The following POLA2 variants were observed in gnomAD, a reference collection of about 807,000 sequenced individuals.
POLA2 encodes DNA polymerase alpha subunit B.
A neutral mutation model predicts 82.8 loss-of-function variants in POLA2; 47 were observed. The ratio of observed to expected loss-of-function variants is 0.57; its 90% CI spans 0.45 to 0.72. The LOEUF (loss-of-function observed/expected upper bound fraction) is 0.72. POLA2 is among the 30% of genes least tolerant of loss of function. The pLI is 0.00. For missense variants in POLA2, 634 were observed against 728.1 expected (o/e 0.87, Z 1.49); for synonymous variants, 287 against 286.8 (o/e 1.00, Z -0.01).
chr11:65,294,608 A>G lies in POLA2; in HGVS notation c.1416A>G (p.Thr472=), dbSNP rs772682890. ...LSINGVIFGL[T]STDLLFHLGA... ...TAAACGGAGTGATCTTCGGCTTGAC[A>G]TCCACAGATCTGCTTTTCCACCTGG... Residue 472 remains threonine (T), a synonymous_variant, in exon 15 of 18, where the codon ACA becomes ACG. Coordinates refer to ENST00000265465, the MANE Select transcript of POLA2 (RefSeq NM_002689.4). 5 of 1,614,146 alleles carry G rather than the reference A, an allele frequency of 3.1e-6. No individual in the cohort carries two copies. The highest frequency in any genetic ancestry group is 4.2e-6 in the Non-Finnish European group (5 of 1,180,002).
Position 65,287,631 on chromosome 11 carries a change from G to A in POLA2, c.1007-85G>A, listed in dbSNP as rs1949710900. On this transcript the variant is annotated intron_variant, in intron 10 of 17. Transcript: ENST00000265465. ...TAAAGGACTCAATGAGTTAAATCCT[G>A]TGGCATTTCCCATCATTGTCCTTTC... 2.4e-6 allele frequency: 3 copies of A among 1,254,162 alleles called. No individual in the cohort carries two copies. In the African/African-American group the frequency reaches 4.5e-5, roughly 19 times the overall value. 77.7% of individuals were successfully genotyped at this position (1,254,162 alleles called of 1,614,324 possible). A position where few individuals can be genotyped will look rare whatever the true frequency, so the allele number is the denominator to read the frequency against.
intron 8 of POLA2, among the ~76,000 whole-genome samples, chr11:65,304,388 T>C (rs58771438): frequency 0.032 from 4,691 of 144,436 alleles, 237 homozygotes; most frequent in African/African-American, 0.11. Flanking sequence ...ACCATCCATC[T>C]TTTCATCCAT....
chr11:65,279,866 C>T (rs1813232136), intron 7 of POLA2: 1 of 424,290 alleles, frequency 2.4e-6, no homozygotes, highest in Non-Finnish European at 4.2e-6. Flanking sequence ...AGCAGAGACT[C>T]AAGGCCTTGT....
At chr11:65,280,490 C>T (rs1244588396) in intron 7 of POLA2, 1 of 152,868 alleles carries the variant, frequency 6.5e-6, no homozygotes, top group Non-Finnish European at 1.5e-5. Context: ...TCTAACCTTT[C>T]TGTTGCTTGT....
Position 65,278,893 on chromosome 11 carries a change from A to G in POLA2, c.625A>G (p.Met209Val). ...PEALTGSYKS[M>V]FQKLPDIREV... ...GGCACTAACTGGGAGCTACAAATCC[A>G]TGTTTCAGAAGCTCCCAGACATTCG... Residue 209 changes from methionine (M) to valine (V), a missense_variant, in exon 6 of 18, where the codon ATG becomes GTG. Coordinates refer to ENST00000265465, the MANE Select transcript of POLA2 (RefSeq NM_002689.4). The G allele has an allele frequency of 6.2e-7, 1 of 1,613,542 alleles. No individual in the cohort carries two copies. Among genetic ancestry groups the G allele is most frequent in the East Asian group, 2.2e-5 (1 of 44,882 alleles).
chr11:65,287,812 A>G lies in POLA2; in HGVS notation c.1103A>G (p.Asn368Ser), dbSNP rs1451426543. 1 of 1,613,918 alleles carries G rather than the reference A, an allele frequency of 6.2e-7. No homozygotes were observed. The highest frequency in any genetic ancestry group is 2.2e-5 in the East Asian group (1 of 44,878). ...CTGCTTGACCTGATTGCTGTCATCA[A>G]CCATGACCGGCCAGATGTCTGCATC... ...DPLLDLIAVI[N>S]HDRPDVCILF... Residue 368 changes from asparagine to serine, a missense_variant, in exon 11 of 18, where the codon AAC becomes AGC. Coordinates refer to ENST00000265465, the MANE Select transcript of POLA2 (RefSeq NM_002689.4).
In POLA2 at chr11:65,278,913, C is replaced by T; in HGVS notation, c.645C>T (p.Asp215=). ...SYKSMFQKLP[D]IREVLTCKIE... is the part of the protein sequence containing the mutation. ...AATCCATGTTTCAGAAGCTCCCAGA[C>T]ATTCGAGAAGGTGATTGTTTTTCCC... The change falls in exon 6 of 18, where the codon GAC becomes GAT. Residue 215 remains aspartate (D), a synonymous_variant. Transcript: ENST00000265465. The T allele has an allele frequency of 1.9e-6, 3 of 1,613,140 alleles. No homozygotes were observed. The highest frequency in any genetic ancestry group is 1.7e-6 in the Non-Finnish European group (2 of 1,179,908).
chr11:65,262,764 C>G (rs1949413185), intron 1 of POLA2, among the ~76,000 whole-genome samples: 2 of 152,210 alleles, frequency 1.3e-5, no homozygotes, highest in Non-Finnish European at 2.9e-5. Flanking sequence ...TGGCTCCTCC[C>G]TTTCCAGCCT....
At position 65,282,487 on chromosome 11, in the gene POLA2, A is replaced by T. The variant is rs1287940914; in HGVS notation, c.972A>T (p.Pro324=). 1.9e-6 allele frequency: 3 copies of T among 1,613,734 alleles called. No individual in the cohort carries two copies. The highest frequency in any genetic ancestry group is 2.5e-6 in the Non-Finnish European group (3 of 1,179,700). Residue 324 remains proline (P), a synonymous_variant, in exon 10 of 18, where the codon CCA becomes CCT. Transcript: ENST00000265465. ...LVATKLYEGV[P]LPFYQPTEED... ...TTTTCCCCTGTTTTTAGGGTGTGCC[A>T]CTTCCATTTTATCAGCCCACTGAAG...
intron 13 of POLA2, among the ~76,000 whole-genome samples, chr11:65,291,864 T>A (rs1356223735): frequency 6.6e-6 from 1 of 152,202 alleles, no homozygotes; most frequent in Admixed American, 6.5e-5. Context: ...AAACAGTATA[T>A]AAACAGTTCT....
chr11:65,269,298 T>C lies in POLA2; in HGVS notation c.354+569T>C, dbSNP rs571896172. 3.3e-5 allele frequency among the ~76,000 whole-genome samples: 5 copies of C among 152,118 alleles called. No homozygotes were observed. In the South Asian group the frequency reaches 6.2e-4, roughly 19 times the overall value. Reference sequence around the variant, plus strand: ...GAGATCGAGACCATCCTGGTTAACATGGTGAAACTCTGTCTCTACCATAAA... The same window carrying C: ...GAGATCGAGACCATCCTGGTTAACACGGTGAAACTCTGTCTCTACCATAAA... On this transcript the variant is annotated intron_variant, in intron 4 of 17. Transcript: ENST00000265465.
rs951873657 is a variant in POLA2, at chr11:65,279,632, A to G, written c.744+6A>G. The G allele has an allele frequency of 1.3e-6, 2 of 1,592,818 alleles. No individual in the cohort carries two copies. Among genetic ancestry groups the G allele is most frequent in the African/African-American group, 1.3e-5 (1 of 74,318 alleles). The stretch of plus-strand genomic sequence containing the variant: ...CTTTGCTAGCCCCAGCACAGGTAAG[A>G]GTTGTTCTAATAGTTCTCACTAATT... On this transcript the variant is annotated splice_donor_region_variant and intron_variant, in intron 7 of 17. Transcript: ENST00000265465.
chr11:65,289,967 G>T, intron 13 of POLA2, 95 bp downstream of exon 13: 1 of 803,580 alleles, frequency 1.2e-6, no homozygotes, highest in South Asian at 1.5e-5. Flanking sequence ...GTCGTGGCAG[G>T]GCCAGGCTCA....
intron 4 of POLA2, among the ~76,000 whole-genome samples, chr11:65,272,384 G>A (rs1415841713): frequency 6.6e-6 from 1 of 152,164 alleles, no homozygotes; most frequent in South Asian, 2.1e-4. Context: ...CCCTTGTCAG[G>A]TCTTGGGAAC....
At chr11:65,294,017 A>G in intron 13 of POLA2, 136 bp from the exon 14 acceptor site, 1 of 768,250 alleles carries the variant, frequency 1.3e-6, no homozygotes, top group Non-Finnish European at 2.4e-6. Flanking sequence ...TCTGTTCATA[A>G]CAGAGTGCAG....
chr11:65,289,939 A>G (rs1949737175), intron 13 of POLA2, 67 bp downstream of exon 13: 20 of 1,048,878 alleles, frequency 1.9e-5, no homozygotes, highest in Non-Finnish European at 2.8e-5. Context: ...CCCATTAAGA[A>G]ACTGAAACTG....
At chr11:65,276,714 C>A (rs1298928105) in intron 5 of POLA2, among the ~76,000 whole-genome samples, 2 of 151,942 alleles carry the variant, frequency 1.3e-5, no homozygotes, top group African/African-American at 4.8e-5. Flanking sequence ...AGGGAAACAC[C>A]AACTGCCAGG....
chr11:65,276,913 C>G (rs1322923996), intron 5 of POLA2, among the ~76,000 whole-genome samples: 4 of 151,282 alleles, frequency 2.6e-5, no homozygotes, highest in Non-Finnish European at 5.9e-5. Flanking sequence ...GCCTCAGCTT[C>G]CCGAGTAGCT....
At chr11:65,287,368 T>G (rs1935956052) in intron 10 of POLA2, among the ~76,000 whole-genome samples, 3 of 152,328 alleles carry the variant, frequency 2.0e-5, no homozygotes, top group Non-Finnish European at 2.9e-5. Context: ...TGCTATCCTG[T>G]ACCCTGCCTT....
Sources: gnomAD v4.1 joint callset for allele counts (sites outside exome capture counted in the v4.1 genomes callset) on GRCh38, gnomAD v4.1.1 for gene constraint, MANE v1.5 for transcripts, NCBI Gene and HGNC (gene_info 2026-07-23, HGNC 2026-07-21) for gene names.